The following SDC3 variants were observed in gnomAD, a reference collection of about 807,000 sequenced individuals.
The protein encoded by SDC3 is syndecan 3.
A neutral mutation model predicts 24.4 loss-of-function variants in SDC3; 13 were observed. That is an observed-to-expected ratio of 0.53 (90% CI 0.35 to 0.85). The LOEUF is 0.85. Ranked by LOEUF, SDC3 falls within the 40% of genes least tolerant of loss-of-function variation. The pLI is 0.01. For missense variants in SDC3, 571 were observed against 584.5 expected, an observed-to-expected ratio of 0.98 and a Z score of 0.24; for synonymous variants, 295 against 260.9, an observed-to-expected ratio of 1.13 and a Z score of -1.26.
At chr1:30,901,842 G>A (rs557522404) in intron 1 of SDC3, among the ~76,000 whole-genome samples, 7 of 152,246 alleles carry the variant, frequency 4.6e-5, no homozygotes, top group East Asian at 1.9e-4. Flanking sequence ...GGAGCAGCCC[G>A]CTCCTTATTT....
chr1:30,901,021 G>A (rs1638405645), intron 1 of SDC3, among the ~76,000 whole-genome samples: 1 of 152,160 alleles, frequency 6.6e-6, no homozygotes, highest in South Asian at 2.1e-4. Flanking sequence ...CTAAGTAGGG[G>A]ATGTGACGAC....
intron 1 of SDC3, among the ~76,000 whole-genome samples, chr1:30,894,606 T>G (rs1639971346): frequency 7.3e-6 from 1 of 137,066 alleles, no homozygotes; most frequent in Admixed American, 7.3e-5. Context: ...TGGGTGTGTG[T>G]GGATGAGTGT....
At chr1:30,892,448 A>G (rs1271262214) in intron 1 of SDC3, among the ~76,000 whole-genome samples, 1 of 152,054 alleles carries the variant, frequency 6.6e-6, no homozygotes, top group Admixed American at 6.5e-5. Context: ...CCAGGGAATG[A>G]ATGAATGAAT....
chr1:30,892,720 C>T (rs775732001), intron 1 of SDC3, among the ~76,000 whole-genome samples: 4 of 152,188 alleles, frequency 2.6e-5, no homozygotes, highest in African/African-American at 9.7e-5. Flanking sequence ...GAGCAGTGTG[C>T]TGGACTCTGC....
chr1:30,905,564 A>T (rs1477526972), intron 1 of SDC3, among the ~76,000 whole-genome samples: 1 of 151,994 alleles, frequency 6.6e-6, no homozygotes, highest in East Asian at 1.9e-4. Context: ...AAAGAGGTGG[A>T]AACTAAGGCA....
In SDC3 at chr1:30,869,972, A is replaced by C. The variant is rs1317665443; in HGVS notation, c.*3239T>G. ...TCTCAGATGGCAACTCCCAGGGCCC[A>C]GTCTCGATGCCTCTGTAAATCTGTA... is the stretch of plus-strand genomic sequence containing the variant. On this transcript the variant is annotated 3_prime_UTR_variant, in exon 5 of 5. Transcript: ENST00000339394. The C allele has an allele frequency of 2.5e-6, 1 of 398,282 alleles. No individual in the cohort carries two copies. The highest frequency in any genetic ancestry group is 2.1e-5 in the African/African-American group (1 of 48,622). The allele number at this position is 398,282 out of a possible 1,614,324, so 24.7% of individuals were successfully genotyped here. A position where few individuals can be genotyped will look rare whatever the true frequency, so the allele number is the denominator to read the frequency against.
intron 1 of SDC3, chr1:30,880,018 G>A (rs1639715917): frequency 1.3e-5 from 2 of 152,512 alleles, no homozygotes; most frequent in African/African-American, 4.8e-5. Flanking sequence ...AGCATGCCTG[G>A]GGGTAAAAAC....
chr1:30,898,624 G>T (rs899349105), intron 1 of SDC3, among the ~76,000 whole-genome samples: 1 of 152,078 alleles, frequency 6.6e-6, no homozygotes, highest in African/African-American at 2.4e-5. Context: ...TCCTACCCTG[G>T]CCCAAGAGGA....
At chr1:30,894,562 G>A (rs986953995) in intron 1 of SDC3, among the ~76,000 whole-genome samples, 1 of 145,156 alleles carries the variant, frequency 6.9e-6, no homozygotes, top group Non-Finnish European at 1.5e-5. Flanking sequence ...GTGTGGGTGA[G>A]AGTGTGTGGG....
chr1:30,900,779 C>T (rs1335764490), intron 1 of SDC3, among the ~76,000 whole-genome samples: 2 of 152,074 alleles, frequency 1.3e-5, no homozygotes, highest in Admixed American at 1.3e-4. Context: ...CTAAATTACC[C>T]TCATTAAAGT....
At chr1:30,901,750 G>A (rs574713434) in intron 1 of SDC3, among the ~76,000 whole-genome samples, 68 of 152,166 alleles carry the variant, frequency 4.5e-4, no homozygotes, top group African/African-American at 1.6e-3. Context: ...CCCCCAAGCA[G>A]TAGTTCTTCA....
At chr1:30,901,908 G>A (rs1184546485) in intron 1 of SDC3, among the ~76,000 whole-genome samples, 1 of 152,192 alleles carries the variant, frequency 6.6e-6, no homozygotes, top group Non-Finnish European at 1.5e-5. Flanking sequence ...AAGCAACCCT[G>A]AGGTCCCATT....
rs1271188287 is a variant in SDC3 at position 30,870,998 on chromosome 1, C to T, written c.*2213G>A. 1.3e-5 allele frequency: 2 copies of T among 152,402 alleles called. No homozygotes were observed. The highest frequency in any genetic ancestry group is 2.9e-5 in the Non-Finnish European group (2 of 68,218). The allele number at this position is 152,402 out of a possible 1,614,324, so 9.4% of individuals were successfully genotyped here. ...TGGTCTGTGGCCCCAGGACCCAGCC[C>T]TTCTGCTCCAAAGATGACTGAGGCC... On this transcript the variant is annotated 3_prime_UTR_variant, in exon 5 of 5. Transcript: ENST00000339394.
At chr1:30,897,724 C>G (rs60935866) in intron 1 of SDC3, among the ~76,000 whole-genome samples, 18,700 of 152,196 alleles carry the variant, frequency 0.12, 1,525 homozygotes, top group East Asian at 0.25. Context: ...GGATTCAAAT[C>G]CCAGCTGGGC....
At chr1:30,902,833 G>A (rs1638442331) in intron 1 of SDC3, among the ~76,000 whole-genome samples, 1 of 152,206 alleles carries the variant, frequency 6.6e-6, no homozygotes, top group Non-Finnish European at 1.5e-5. Flanking sequence ...CATGCAGCAG[G>A]ACTCTGCCAG....
chr1:30,894,072 A>G (rs944399897), intron 1 of SDC3, among the ~76,000 whole-genome samples: 3 of 152,080 alleles, frequency 2.0e-5, no homozygotes, highest in African/African-American at 7.2e-5. Flanking sequence ...CCTGGGATTA[A>G]GAGTCAGGAT....
intron 1 of SDC3, among the ~76,000 whole-genome samples, chr1:30,886,369 A>G (rs1385176338): frequency 6.6e-6 from 1 of 151,802 alleles, no homozygotes; most frequent in Non-Finnish European, 1.5e-5. Flanking sequence ...CTTGAATGTC[A>G]CATACGCACG....
intron 1 of SDC3, among the ~76,000 whole-genome samples, chr1:30,880,277 G>A (rs1168447402): frequency 6.7e-6 from 1 of 149,668 alleles, no homozygotes; most frequent in African/African-American, 2.5e-5. Flanking sequence ...GATCACGGGG[G>A]AACTGAGAGG....
At chr1:30,905,360 C>CACAG (rs1638499818) in intron 1 of SDC3, among the ~76,000 whole-genome samples, 1 of 116,308 alleles carries the variant, frequency 8.6e-6, no homozygotes, top group Non-Finnish European at 1.8e-5. Flanking sequence ...CTCACAAACA[C>CACAG]ACACACACAC....
Sources: allele counts gnomAD v4.1 joint callset (sites outside exome capture counted in the v4.1 genomes callset), GRCh38; gene constraint gnomAD v4.1.1; transcripts MANE v1.5; gene names NCBI Gene and HGNC (gene_info 2026-07-23, HGNC 2026-07-21).